SNX29: variants seen among roughly 807,000 people sequenced by gnomAD.
The protein encoded by SNX29 is sorting nexin 29.
Under a neutral mutation model 102.1 loss-of-function variants are expected in SNX29, and 78 were observed. The observed-to-expected ratio is 0.76, with a 90% CI of 0.64 to 0.92. SNX29 has a LOEUF of 0.92. SNX29 is among the 40% of genes least tolerant of loss of function. The pLI is 0.00. For missense variants in SNX29, 1,280 were observed against 1,061.7 expected, an observed-to-expected ratio of 1.21 and a Z score of -2.86; for synonymous variants, 580 against 414.5, an observed-to-expected ratio of 1.40 and a Z score of -4.85.
chr16:12,065,979 T>A (rs1163875290), intron 9 of SNX29, among the ~76,000 whole-genome samples: 2 of 152,220 alleles, frequency 1.3e-5, no homozygotes, highest in Non-Finnish European at 2.9e-5. Context: ...TGAGACGGTC[T>A]ATGCTGTGTG....
chr16:12,350,418 A>T (rs1372478667), intron 15 of SNX29, among the ~76,000 whole-genome samples: 1 of 152,164 alleles, frequency 6.6e-6, no homozygotes, highest in Non-Finnish European at 1.5e-5. Context: ...TCTATTGCAG[A>T]TACTAAAACA....
At chr16:12,550,879 C>T (rs1487980428) in intron 20 of SNX29, among the ~76,000 whole-genome samples, 1 of 152,122 alleles carries the variant, frequency 6.6e-6, no homozygotes, top group Admixed American at 6.5e-5. Flanking sequence ...TGGGAGGAAA[C>T]CTGTGACGGG....
intron 20 of SNX29, among the ~76,000 whole-genome samples, chr16:12,556,140 T>G (rs1200393617): frequency 6.6e-6 from 1 of 152,192 alleles, no homozygotes; most frequent in Non-Finnish European, 1.5e-5. Flanking sequence ...AAAGTGATGG[T>G]TGGAGTGGTT....
chr16:12,057,312 T>C (rs530498980), intron 8 of SNX29, among the ~76,000 whole-genome samples: 2 of 152,280 alleles, frequency 1.3e-5, no homozygotes, highest in Admixed American at 6.5e-5. Flanking sequence ...GTTGGCGCCC[T>C]GGTGGAAGGG....
Position 12,461,462 on chromosome 16 carries a change from T to C in SNX29, c.2038-16257T>C, listed in dbSNP as rs977886609. On this transcript the variant is annotated intron_variant, in intron 18 of 20. Transcript: ENST00000566228. ...GTTCTAACCGCAGCCCTTCACTCCTTCTCTCCAAGACAAATGGAAACTTAT... is the reference window on the plus strand; with the variant it reads ...GTTCTAACCGCAGCCCTTCACTCCTCCTCTCCAAGACAAATGGAAACTTAT... Among the ~76,000 whole-genome samples, 3 of 152,112 alleles carry C rather than the reference T, an allele frequency of 2.0e-5. No individual in the cohort carries two copies. In the East Asian group the frequency reaches 5.8e-4, roughly 29 times the overall value.
intron 16 of SNX29, among the ~76,000 whole-genome samples, chr16:12,371,280 T>A (rs553572564): frequency 2.0e-5 from 3 of 151,698 alleles, no homozygotes; most frequent in Non-Finnish European, 4.4e-5. Flanking sequence ...CTCCCTCCCT[T>A]CCTTCCCTCT....
chr16:12,120,409 AGAGT>A (rs2053923088), intron 11 of SNX29, among the ~76,000 whole-genome samples: 1 of 152,248 alleles, frequency 6.6e-6, no homozygotes, highest in Admixed American at 6.5e-5. Context: ...TATATGTGAG[AGAGT>A]GTGTGTGCGC....
At chr16:12,463,756 A>G (rs955128408) in intron 18 of SNX29, among the ~76,000 whole-genome samples, 2 of 152,142 alleles carry the variant, frequency 1.3e-5, no homozygotes, top group African/African-American at 2.4e-5. Flanking sequence ...GGTTTGATGT[A>G]CATATACATC....
intron 19 of SNX29, among the ~76,000 whole-genome samples, chr16:12,513,453 C>G (rs552110306): frequency 2.0e-5 from 3 of 152,140 alleles, no homozygotes; most frequent in South Asian, 4.2e-4. Flanking sequence ...CGCTGCCTTC[C>G]TCTGCTCTCT....
intron 14 of SNX29, among the ~76,000 whole-genome samples, chr16:12,250,074 G>A (rs1346676889): frequency 1.3e-5 from 2 of 152,194 alleles, no homozygotes; most frequent in African/African-American, 2.4e-5. Flanking sequence ...CCATCACCAG[G>A]ACTGTGGTGG....
At chr16:12,199,766 G>A in intron 14 of SNX29, 83 bp downstream of exon 14, 1 of 1,092,702 alleles carries the variant, frequency 9.2e-7, no homozygotes, top group South Asian at 1.3e-5. Context: ...GACACTCAAT[G>A]TGTGACGAGT....
intron 16 of SNX29, among the ~76,000 whole-genome samples, chr16:12,363,414 C>T (rs1271998898): frequency 6.6e-6 from 1 of 152,226 alleles, no homozygotes; most frequent in East Asian, 1.9e-4. Context: ...TCCTCCCAGA[C>T]ACCAGGGTGT....
intron 14 of SNX29, among the ~76,000 whole-genome samples, chr16:12,222,985 C>G (rs2077517484): frequency 6.6e-6 from 1 of 152,228 alleles, no homozygotes; most frequent in Non-Finnish European, 1.5e-5. Flanking sequence ...CTGCAACTGG[C>G]AAGTGGCGGA....
At chr16:12,161,233 G>C (rs1165221040) in intron 13 of SNX29, among the ~76,000 whole-genome samples, 2 of 152,218 alleles carry the variant, frequency 1.3e-5, no homozygotes, top group Non-Finnish European at 2.9e-5. Context: ...GGGAATACCA[G>C]ATGGGCTGCG....
chr16:12,272,550 C>T (rs188850759), intron 14 of SNX29, among the ~76,000 whole-genome samples: 1 of 152,386 alleles, frequency 6.6e-6, no homozygotes, highest in African/African-American at 2.4e-5. Flanking sequence ...CCTGACTTTT[C>T]TAAGTCCCAT....
intron 18 of SNX29, among the ~76,000 whole-genome samples, chr16:12,456,985 G>A (rs2086568317): frequency 6.6e-6 from 1 of 152,184 alleles, no homozygotes; most frequent in South Asian, 2.1e-4. Context: ...CATTGACAGA[G>A]TTGATTGTGA....
In SNX29 at chr16:12,261,667, C is replaced by G. The variant is rs1260893146; in HGVS notation, c.1679-16266C>G. ...AGTGGTTCCTGAGCTCGGGTCTGCA[C>G]GTGTCCCCGGCTGGAGTGAGTGTTT... is the stretch of plus-strand genomic sequence containing the variant. On this transcript the variant is annotated intron_variant, in intron 14 of 20. Transcript: ENST00000566228. 3.2e-5 allele frequency among the ~76,000 whole-genome samples: 4 copies of G among 124,548 alleles called. 1 individual carries two copies. Among genetic ancestry groups the G allele is most frequent in the Non-Finnish European group, 6.5e-5 (4 of 61,286 alleles). 81.7% of individuals were successfully genotyped at this position (124,548 alleles called of 152,430 possible). A position where few individuals can be genotyped will look rare whatever the true frequency, so the allele number is the denominator to read the frequency against.
chr16:12,429,646 GCA>G lies in SNX29; in HGVS notation c.2037+26120_2037+26121del, dbSNP rs1213482042. On this transcript the variant is annotated intron_variant, in intron 18 of 20. Transcript: ENST00000566228. ...TTACACCAAAACCATCTCTTGCGGT[GCA>G]CAGTGTTCCACCATCACGCTGTCAT... Among the ~76,000 whole-genome samples, 7 of 152,290 alleles carry G rather than the reference GCA, an allele frequency of 4.6e-5. No homozygotes were observed. In the South Asian group the frequency reaches 1.5e-3, roughly 32 times the overall value.
In SNX29 at chr16:12,115,596, A is replaced by C. The variant is rs75162984; in HGVS notation, c.1403-11037A>C. 8.0e-3 allele frequency among the ~76,000 whole-genome samples: 1,214 copies of C among 152,096 alleles called. 16 individuals are homozygous for C. Among genetic ancestry groups the C allele is most frequent in the African/African-American group, 0.028 (1,156 of 41,448 alleles). ...CTGTTATTCACAAGAGCTCATGTGA[A>C]TATCTTTGCAGAATGTGCCATCTCT... On this transcript the variant is annotated intron_variant, in intron 11 of 20. Coordinates refer to ENST00000566228, the MANE Select transcript of SNX29 (RefSeq NM_032167.5).
Sources: allele counts gnomAD v4.1 joint callset (sites outside exome capture counted in the v4.1 genomes callset), GRCh38; gene constraint gnomAD v4.1.1; transcripts MANE v1.5; gene names NCBI Gene and HGNC (gene_info 2026-07-23, HGNC 2026-07-21).